CDK19: variants seen among roughly 807,000 people sequenced by gnomAD.
CDK19 encodes the protein cyclin dependent kinase 19, also known as cyclin-dependent kinase 19.
CDK19 carries 20 observed loss-of-function variants against 68.3 expected under a neutral mutation model. The observed-to-expected ratio is 0.29, with a 90% CI of 0.21 to 0.43. CDK19 has a LOEUF of 0.43. CDK19 is among the 20% of genes least tolerant of loss of function. The probability of loss-of-function intolerance (pLI) is 1.00; values close to 1 mark genes in which losing one functional copy is unlikely to be tolerated. For missense variants in CDK19, 339 were observed against 623.5 expected, an observed-to-expected ratio of 0.54 and a Z score of 4.86; for synonymous variants, 221 against 222.8, an observed-to-expected ratio of 0.99 and a Z score of 0.07.
At chr6:110,731,114 GGAAAA>G (rs138133599) in intron 2 of CDK19, among the ~76,000 whole-genome samples, 22,994 of 146,202 alleles carry the variant, frequency 0.16, 1,963 homozygotes, top group East Asian at 0.31. Flanking sequence ...AGAAAAGAAA[GGAAAA>G]GAAAAGAAAA....
intron 4 of CDK19, among the ~76,000 whole-genome samples, chr6:110,657,802 C>T (rs1198574859): frequency 6.6e-6 from 1 of 152,162 alleles, no homozygotes; most frequent in South Asian, 2.1e-4. Context: ...CTGAGTTAAA[C>T]CTTAAGAGAG....
chr6:110,676,901 T>G (rs1771579929), intron 2 of CDK19, among the ~76,000 whole-genome samples: 1 of 152,212 alleles, frequency 6.6e-6, no homozygotes, highest in Non-Finnish European at 1.5e-5. Flanking sequence ...TCTGCCTGTG[T>G]AAGAGGGAAG....
intron 2 of CDK19, among the ~76,000 whole-genome samples, chr6:110,686,046 G>A (rs1172138900): frequency 1.3e-5 from 2 of 152,166 alleles, no homozygotes; most frequent in Non-Finnish European, 2.9e-5. Flanking sequence ...TGAGGCAGAA[G>A]CATGATGGAA....
At chr6:110,738,355 C>CAA (rs200305300) in intron 2 of CDK19, among the ~76,000 whole-genome samples, 57 of 127,836 alleles carry the variant, frequency 4.5e-4, no homozygotes, top group South Asian at 1.7e-3. Flanking sequence ...GCTAAAAATA[C>CAA]AAAAAAAAAA....
At chr6:110,736,374 T>C (rs933546207) in intron 2 of CDK19, among the ~76,000 whole-genome samples, 4 of 152,120 alleles carry the variant, frequency 2.6e-5, no homozygotes, top group South Asian at 4.1e-4. Context: ...TTCATCTCTA[T>C]TGCTACCTAG....
At chr6:110,811,411 G>C (rs1783086419) in intron 1 of CDK19, among the ~76,000 whole-genome samples, 1 of 152,064 alleles carries the variant, frequency 6.6e-6, no homozygotes, top group Admixed American at 6.6e-5. Flanking sequence ...AAGGCACCAC[G>C]CTCGGCTAAT....
intron 1 of CDK19, among the ~76,000 whole-genome samples, chr6:110,779,653 C>T (rs1583082029): frequency 6.6e-6 from 1 of 152,192 alleles, no homozygotes; most frequent in Non-Finnish European, 1.5e-5. Context: ...CGGTGCCTCA[C>T]GCCTGTAATC....
intron 1 of CDK19, 29 bp downstream of exon 1, chr6:110,814,980 G>C (rs1314011886): frequency 6.3e-7 from 1 of 1,597,812 alleles, no homozygotes; most frequent in African/African-American, 1.4e-5. Flanking sequence ...GGACCCGAGC[G>C]AGCCTACTCC....
intron 4 of CDK19, among the ~76,000 whole-genome samples, chr6:110,651,092 A>G (rs1043704660): frequency 2.0e-5 from 3 of 152,186 alleles, no homozygotes; most frequent in Non-Finnish European, 4.4e-5. Context: ...GAGCTCAGGC[A>G]AAGGGTTGGG....
At chr6:110,746,062 T>C in intron 2 of CDK19, 64 bp downstream of exon 2, 1 of 794,038 alleles carries the variant, frequency 1.3e-6, no homozygotes, top group South Asian at 2.1e-5. Context: ...GAAACTTTTA[T>C]ATTAAAATAA....
chr6:110,772,770 G>C (rs915080575), intron 1 of CDK19, among the ~76,000 whole-genome samples: 4 of 151,782 alleles, frequency 2.6e-5, no homozygotes, highest in African/African-American at 9.7e-5. Context: ...GCGTGAGCCT[G>C]TGGTCCCAGC....
At chr6:110,725,362 T>C (rs1315989201) in intron 2 of CDK19, among the ~76,000 whole-genome samples, 1 of 152,078 alleles carries the variant, frequency 6.6e-6, no homozygotes, top group East Asian at 1.9e-4. Context: ...ATTTTAATTA[T>C]AAATATAATA....
chr6:110,639,683 T>C (rs1445148340), intron 4 of CDK19, among the ~76,000 whole-genome samples: 1 of 152,232 alleles, frequency 6.6e-6, no homozygotes, highest in Non-Finnish European at 1.5e-5. Context: ...TTCAATTTGC[T>C]GATTGTTAAA....
At chr6:110,781,840 GAA>G (rs375862176) in intron 1 of CDK19, among the ~76,000 whole-genome samples, 4 of 101,316 alleles carry the variant, frequency 3.9e-5, no homozygotes, top group Non-Finnish European at 4.3e-5. Context: ...TGTCTCAAAT[GAA>G]AAAAAAAAAA....
chr6:110,747,119 T>A (rs1400413332), intron 1 of CDK19, among the ~76,000 whole-genome samples: 4 of 152,180 alleles, frequency 2.6e-5, no homozygotes, highest in Non-Finnish European at 5.9e-5. Context: ...CAGCAAAGTA[T>A]CACCATGTCA....
chr6:110,646,654 C>T, intron 4 of CDK19: 1 of 519,348 alleles, frequency 1.9e-6, no homozygotes, highest in Non-Finnish European at 3.3e-6. Flanking sequence ...ACTCCCTTTT[C>T]CCTTTGGCTT....
At chr6:110,778,483 T>C (rs995094771) in intron 1 of CDK19, among the ~76,000 whole-genome samples, 1 of 152,214 alleles carries the variant, frequency 6.6e-6, no homozygotes, top group African/African-American at 2.4e-5. Context: ...TGGAGTCCTC[T>C]AGGTTTCCCA....
intron 2 of CDK19, among the ~76,000 whole-genome samples, chr6:110,675,182 G>A (rs1028931236): frequency 1.3e-5 from 2 of 152,344 alleles, no homozygotes; most frequent in East Asian, 1.9e-4. Context: ...AACAGATTCC[G>A]TGTAGGACTT....
intron 12 of CDK19, among the ~76,000 whole-genome samples, chr6:110,616,915 T>TA (rs920965756): frequency 6.6e-5 from 10 of 152,284 alleles, no homozygotes; most frequent in African/African-American, 9.6e-5. Flanking sequence ...AAGGGTTTTT[T>TA]AGACAGAAAA....
Sources: allele counts gnomAD v4.1 joint callset (sites outside exome capture counted in the v4.1 genomes callset), GRCh38; gene constraint gnomAD v4.1.1; transcripts MANE v1.5; gene names NCBI Gene and HGNC (gene_info 2026-07-23, HGNC 2026-07-21).